ZBTB20: variants seen among roughly 807,000 people sequenced by gnomAD.
The protein encoded by ZBTB20 is zinc finger and BTB domain containing 20.
In ZBTB20, 9 loss-of-function variants were observed where a neutral mutation model predicts 56.9. The observed-to-expected ratio is 0.16, with a 90% CI of 0.10 to 0.28. ZBTB20 has a LOEUF of 0.28. ZBTB20 is among the 10% of genes least tolerant of loss of function. ZBTB20 has a pLI of 1.00. For synonymous variants in ZBTB20, 417 were observed against 420.7 expected (o/e 0.99, Z 0.11); for missense variants, 655 against 1,003.0 (o/e 0.65, Z 4.69).
intron 7 of ZBTB20, among the ~76,000 whole-genome samples, chr3:114,439,651 G>T (rs1440935765): frequency 6.6e-6 from 1 of 152,152 alleles, no homozygotes; most frequent in African/African-American, 2.4e-5. Context: ...CTTTTCCAAT[G>T]ACCTTAGGGA....
intron 6 of ZBTB20, among the ~76,000 whole-genome samples, chr3:114,549,316 T>C (rs1365757405): frequency 1.3e-5 from 2 of 152,242 alleles, no homozygotes; most frequent in Admixed American, 1.3e-4. Flanking sequence ...AATTTTGTAC[T>C]ATATGACTTA....
Position 114,517,751 on chromosome 3 carries a change from T to A in ZBTB20, c.-294-17360A>T, listed in dbSNP as rs553469867. The stretch of plus-strand genomic sequence containing the variant: ...CTACCATGCCCGGCTAATTTTTGTA[T>A]TTTTAGTAGAGATGGGATTTCACCA... On this transcript the variant is annotated intron_variant, in intron 6 of 11. Transcript: ENST00000675478. Among the ~76,000 whole-genome samples, 155 of 152,130 alleles carry A rather than the reference T, an allele frequency of 1.0e-3. 1 individual carries two copies. The highest frequency in any genetic ancestry group is 3.6e-3 in the African/African-American group (148 of 41,488).
At position 115,059,435 on chromosome 3, in the gene ZBTB20, G is replaced by C. The variant is rs1057477175; in HGVS notation, c.-507+11784C>G. ...ATCCTTTTTGGGATCTCATTTCCCT[G>C]GCTATTAACAAAGTGTCTCCACTTT... is the stretch of plus-strand genomic sequence containing the variant. On this transcript the variant is annotated intron_variant, in intron 2 of 11. Coordinates refer to ENST00000675478, the MANE Select transcript of ZBTB20 (RefSeq NM_001348800.3). Among the ~76,000 whole-genome samples the C allele has an allele frequency of 2.6e-5, 4 of 152,082 alleles. No individual in the cohort carries two copies. In the East Asian group the frequency reaches 5.8e-4, roughly 22 times the overall value.
intron 6 of ZBTB20, among the ~76,000 whole-genome samples, chr3:114,578,254 C>G (rs548438083): frequency 2.0e-5 from 3 of 151,786 alleles, no homozygotes; most frequent in Non-Finnish European, 4.4e-5. Context: ...TTAAGGAATT[C>G]ACTCAGAAAA....
intron 3 of ZBTB20, among the ~76,000 whole-genome samples, chr3:114,966,559 G>T (rs564243549): frequency 6.6e-6 from 1 of 151,942 alleles, no homozygotes; most frequent in South Asian, 2.1e-4. Flanking sequence ...TATTTTATCG[G>T]TGTGTAGGCT....
chr3:114,977,596 C>A (rs58418703), intron 2 of ZBTB20, among the ~76,000 whole-genome samples: 15,951 of 151,944 alleles, frequency 0.1, 2,477 homozygotes, highest in African/African-American at 0.34. Context: ...TTACCTGTGG[C>A]AAAATAAATT....
At chr3:114,838,511 G>A (rs984566641) in intron 4 of ZBTB20, among the ~76,000 whole-genome samples, 2 of 152,124 alleles carry the variant, frequency 1.3e-5, no homozygotes, top group Non-Finnish European at 2.9e-5. Context: ...GGAGAGAGAT[G>A]TGTAGAGCCC....
chr3:114,598,416 A>AAG (rs5851930), intron 6 of ZBTB20, among the ~76,000 whole-genome samples: 81,908 of 150,276 alleles, frequency 0.55, 23,918 homozygotes, highest in East Asian at 0.91. Context: ...AAAAAAAAAA[A>AAG]TAGACTTAAA....
chr3:114,646,273 T>C lies in ZBTB20; in HGVS notation c.-295+47255A>G, dbSNP rs189824118. 2.0e-5 allele frequency among the ~76,000 whole-genome samples: 3 copies of C among 151,946 alleles called. No homozygotes were observed. In the East Asian group the frequency reaches 5.8e-4, roughly 29 times the overall value. On this transcript the variant is annotated intron_variant, in intron 6 of 11. Coordinates refer to ENST00000675478, the MANE Select transcript of ZBTB20 (RefSeq NM_001348800.3). ...AGTAGGACTGGTGGATGGAAGAAGTTTGAAAAACTTTTATGTAGAGATGAA... is the reference window on the plus strand; with the variant it reads ...AGTAGGACTGGTGGATGGAAGAAGTCTGAAAAACTTTTATGTAGAGATGAA...
At chr3:115,069,126 A>G (rs913584858) in intron 2 of ZBTB20, among the ~76,000 whole-genome samples, 2 of 152,154 alleles carry the variant, frequency 1.3e-5, no homozygotes, top group Non-Finnish European at 2.9e-5. Context: ...TTCTCCTCCA[A>G]AAAAAGCAGT....
At chr3:115,033,332 T>A (rs986276022) in intron 2 of ZBTB20, among the ~76,000 whole-genome samples, 1 of 151,594 alleles carries the variant, frequency 6.6e-6, no homozygotes, top group Non-Finnish European at 1.5e-5. Context: ...AAAATCTGAA[T>A]AGACCTATAT....
chr3:114,555,082 T>G (rs1226230093), intron 6 of ZBTB20, among the ~76,000 whole-genome samples: 1 of 152,152 alleles, frequency 6.6e-6, no homozygotes, highest in Non-Finnish European at 1.5e-5. Flanking sequence ...GCCTGGACTT[T>G]TCTTATACTT....
intron 6 of ZBTB20, among the ~76,000 whole-genome samples, chr3:114,621,134 T>C (rs1685302917): frequency 6.6e-6 from 1 of 152,344 alleles, no homozygotes; most frequent in African/African-American, 2.4e-5. Context: ...CTTTTATATA[T>C]ATAGCAATTA....
chr3:115,029,342 G>T (rs887750582), intron 2 of ZBTB20, among the ~76,000 whole-genome samples: 2 of 150,500 alleles, frequency 1.3e-5, no homozygotes, highest in African/African-American at 2.4e-5. Context: ...AAATTGAAGG[G>T]GGGGGGCAGT....
intron 4 of ZBTB20, among the ~76,000 whole-genome samples, chr3:114,860,084 G>A (rs994867005): frequency 1.3e-5 from 2 of 152,080 alleles, no homozygotes; most frequent in Non-Finnish European, 2.9e-5. Context: ...CAAGATGGGT[G>A]GATCACGACG....
intron 10 of ZBTB20, among the ~76,000 whole-genome samples, chr3:114,358,879 G>T (rs2081514942): frequency 6.6e-6 from 1 of 152,128 alleles, no homozygotes; most frequent in Non-Finnish European, 1.5e-5. Context: ...CTCAGGAAAA[G>T]CTGTGTTTTG....
chr3:114,584,232 G>C (rs76007713), intron 6 of ZBTB20, among the ~76,000 whole-genome samples: 3,141 of 151,684 alleles, frequency 0.021, 106 homozygotes, highest in African/African-American at 0.071. Flanking sequence ...ACTTTTTTTT[G>C]TTTGCCATTA....
intron 6 of ZBTB20, among the ~76,000 whole-genome samples, chr3:114,517,137 T>G (rs2046095679): frequency 1.3e-5 from 2 of 152,180 alleles, no homozygotes; most frequent in Non-Finnish European, 1.5e-5. Flanking sequence ...TAATAAGTAA[T>G]CAATCTATCA....
intron 7 of ZBTB20, among the ~76,000 whole-genome samples, chr3:114,436,894 C>A (rs1252392161): frequency 6.6e-6 from 1 of 152,154 alleles, no homozygotes; most frequent in Non-Finnish European, 1.5e-5. Context: ...ACATTGGGAA[C>A]ATAGCTGATT....
Sources: gnomAD v4.1 joint callset for allele counts (sites outside exome capture counted in the v4.1 genomes callset) on GRCh38, gnomAD v4.1.1 for gene constraint, MANE v1.5 for transcripts, NCBI Gene and HGNC (gene_info 2026-07-23, HGNC 2026-07-21) for gene names.